Variants in GRXCR1 observed in about 807,000 individuals in gnomAD.
GRXCR1 encodes the protein glutaredoxin domain-containing cysteine-rich protein 1.
GRXCR1 carries 27 observed loss-of-function variants against 27.3 expected under a neutral mutation model. The ratio of observed to expected loss-of-function variants is 0.99; its 90% CI spans 0.73 to 1.37. GRXCR1 has a LOEUF of 1.37. Ranked by LOEUF, GRXCR1 falls within the 40% of genes most tolerant of loss-of-function variation. GRXCR1 has a pLI of 0.00. For missense variants in GRXCR1, 379 were observed against 354.4 expected (o/e 1.07, Z -0.56); for synonymous variants, 122 against 131.1 (o/e 0.93, Z 0.47).
intron 2 of GRXCR1, among the ~76,000 whole-genome samples, chr4:42,968,961 C>T (rs1748315457): frequency 6.6e-6 from 1 of 151,992 alleles, no homozygotes; most frequent in South Asian, 2.1e-4. Context: ...TAGTGTCTGC[C>T]AAGGTGATCA....
intron 2 of GRXCR1, among the ~76,000 whole-genome samples, chr4:43,011,998 G>T (rs754669778): frequency 5.3e-5 from 8 of 152,118 alleles, no homozygotes; most frequent in Non-Finnish European, 1.2e-4. Context: ...TCCTGCGAAT[G>T]GAATTTTAAT....
intron 2 of GRXCR1, among the ~76,000 whole-genome samples, chr4:42,987,248 A>ATATATAATATATATAT (rs370379241): frequency 8.9e-5 from 6 of 67,560 alleles, no homozygotes; most frequent in African/African-American, 3.1e-4. Context: ...TATAATATAT[A>ATATATAATATATATAT]ATATATATAT....
intron 3 of GRXCR1, among the ~76,000 whole-genome samples, chr4:43,023,280 T>A (rs968373032): frequency 1.1e-4 from 17 of 152,188 alleles, no homozygotes; most frequent in African/African-American, 3.9e-4. Flanking sequence ...CATGGTAGTT[T>A]ATGACCACTC....
intron 1 of GRXCR1, among the ~76,000 whole-genome samples, chr4:42,933,031 A>G (rs1747366302): frequency 6.6e-6 from 1 of 151,946 alleles, no homozygotes; most frequent in Non-Finnish European, 1.5e-5. Context: ...ACTTTACTCA[A>G]CTATTGGACC....
At chr4:42,951,571 A>G (rs34705773) in intron 1 of GRXCR1, among the ~76,000 whole-genome samples, 5,104 of 152,280 alleles carry the variant, frequency 0.034, 95 homozygotes, top group African/African-American at 0.052. Context: ...TAATGCTGCA[A>G]TGAACGTATG....
intron 1 of GRXCR1, among the ~76,000 whole-genome samples, chr4:42,954,295 GC>G (rs1330287673): frequency 6.6e-6 from 1 of 152,152 alleles, no homozygotes; most frequent in Non-Finnish European, 1.5e-5. Flanking sequence ...TTAGAAGAAA[GC>G]GTAGGGATGA....
chr4:43,002,770 A>T (rs1234995377), intron 2 of GRXCR1, among the ~76,000 whole-genome samples: 1 of 152,174 alleles, frequency 6.6e-6, no homozygotes, highest in East Asian at 1.9e-4. Context: ...GGACAAAAAG[A>T]TGATAATTTA....
intron 2 of GRXCR1, among the ~76,000 whole-genome samples, chr4:42,973,551 G>C (rs1386335493): frequency 1.3e-5 from 2 of 150,112 alleles, no homozygotes; most frequent in Non-Finnish European, 3.0e-5. Context: ...CTCTGCTTTT[G>C]ATTAATGGCC....
intron 1 of GRXCR1, among the ~76,000 whole-genome samples, chr4:42,957,514 C>T (rs1363788704): frequency 6.6e-6 from 1 of 151,912 alleles, no homozygotes; most frequent in Non-Finnish European, 1.5e-5. Context: ...GAACTTTCTA[C>T]CCCAATCCCT....
intron 1 of GRXCR1, among the ~76,000 whole-genome samples, chr4:42,924,585 T>G (rs1262538647): frequency 6.6e-6 from 1 of 152,070 alleles, no homozygotes; most frequent in African/African-American, 2.4e-5. Context: ...TCTTTACTTC[T>G]TTCCTTTACT....
At chr4:42,894,239 T>C (rs1325147159) in intron 1 of GRXCR1, among the ~76,000 whole-genome samples, 3 of 152,112 alleles carry the variant, frequency 2.0e-5, no homozygotes, top group Non-Finnish European at 4.4e-5. Flanking sequence ...CCTCTATAAA[T>C]GTACAGACTG....
chr4:42,906,049 C>T (rs942231956), intron 1 of GRXCR1, among the ~76,000 whole-genome samples: 4 of 152,082 alleles, frequency 2.6e-5, no homozygotes, highest in African/African-American at 9.7e-5. Flanking sequence ...ATTTTTTCTG[C>T]CTGTCCTTGA....
chr4:43,028,356 A>G (rs1013537145), intron 3 of GRXCR1, among the ~76,000 whole-genome samples: 2 of 152,202 alleles, frequency 1.3e-5, no homozygotes, highest in South Asian at 2.1e-4. Flanking sequence ...CTGAAATTCA[A>G]ATTTAACTGA....
intron 3 of GRXCR1, among the ~76,000 whole-genome samples, chr4:43,024,608 A>C (rs1713196933): frequency 6.6e-6 from 1 of 152,194 alleles, no homozygotes; most frequent in African/African-American, 2.4e-5. Flanking sequence ...TACATTTAGA[A>C]TTATGAGCTA....
At position 42,959,171 on chromosome 4, in the gene GRXCR1, C is replaced by A. The variant is rs191189451; in HGVS notation, c.385-3721C>A. Among the ~76,000 whole-genome samples the A allele has an allele frequency of 6.9e-4, 105 of 151,978 alleles. 1 individual carries two copies. The highest frequency in any genetic ancestry group is 4.9e-3 in the Admixed American group (75 of 15,240). ...ACAATTGCCAAGATATAGGTACAAC[C>A]TAAGTATCCTTTAATGGATAAATTA... is the stretch of plus-strand genomic sequence containing the variant. On this transcript the variant is annotated intron_variant, in intron 1 of 3. Transcript: ENST00000399770.
At chr4:42,970,066 A>C (rs1373425286) in intron 2 of GRXCR1, among the ~76,000 whole-genome samples, 1 of 152,162 alleles carries the variant, frequency 6.6e-6, no homozygotes, top group Non-Finnish European at 1.5e-5. Context: ...TAAATCTTAA[A>C]GCTCCAAAAT....
At chr4:42,983,322 C>T (rs1711549991) in intron 2 of GRXCR1, among the ~76,000 whole-genome samples, 1 of 145,070 alleles carries the variant, frequency 6.9e-6, no homozygotes, top group Non-Finnish European at 1.5e-5. Flanking sequence ...AATCCTTTCC[C>T]CATTGCTTGT....
intron 2 of GRXCR1, among the ~76,000 whole-genome samples, chr4:42,990,648 C>T (rs543159690): frequency 6.6e-6 from 1 of 152,058 alleles, no homozygotes; most frequent in South Asian, 2.1e-4. Context: ...TTCCAAGAAA[C>T]TAAATGTTTT....
At chr4:42,944,813 T>C (rs894779550) in intron 1 of GRXCR1, among the ~76,000 whole-genome samples, 3 of 152,138 alleles carry the variant, frequency 2.0e-5, no homozygotes, top group Admixed American at 6.6e-5. Flanking sequence ...TGCTACCTCC[T>C]TTATTTCAAA....
Sources: allele counts gnomAD v4.1 joint callset (sites outside exome capture counted in the v4.1 genomes callset), GRCh38; gene constraint gnomAD v4.1.1; transcripts MANE v1.5; gene names NCBI Gene and HGNC (gene_info 2026-07-23, HGNC 2026-07-21).